CFTR: variants seen among roughly 807,000 people sequenced by gnomAD.
CFTR encodes the protein CF transmembrane conductance regulator.
CFTR carries 181 observed loss-of-function variants against 171.6 expected under a neutral mutation model. That is an observed-to-expected ratio of 1.05 (90% CI 0.93 to 1.19). The LOEUF is 1.19. CFTR is among the 50% of genes most tolerant of loss of function. The pLI is 0.00. For missense variants in CFTR, 1,968 were observed against 1,734.7 expected, an observed-to-expected ratio of 1.13 and a Z score of -2.39; for synonymous variants, 583 against 608.0, an observed-to-expected ratio of 0.96 and a Z score of 0.60.
chr7:117,571,314 C>T lies in CFTR; in HGVS notation c.1584+11659C>T, dbSNP rs183421277. ...GGAAATCCAGAGCAGGAACAGATTT[C>T]AAGATAGCACAATAATATAGCAGTG... is the stretch of plus-strand genomic sequence containing the variant. On this transcript the variant is annotated intron_variant, in intron 11 of 26. Coordinates refer to ENST00000003084, the MANE Select transcript of CFTR (RefSeq NM_000492.4). 5.1e-4 allele frequency among the ~76,000 whole-genome samples: 77 copies of T among 152,202 alleles called. No homozygotes were observed. The East Asian group carries it at 0.011, about 22-fold the overall frequency.
intron 1 of CFTR, among the ~76,000 whole-genome samples, chr7:117,503,123 T>C (rs1033993038): frequency 2.0e-5 from 3 of 152,248 alleles, no homozygotes; most frequent in Non-Finnish European, 2.9e-5. Context: ...TCTCTTTTTG[T>C]TCTGAATGGC....
At chr7:117,536,497 G>A (rs983455971) in intron 6 of CFTR, 51 bp from the exon 7 acceptor site, 10 of 1,525,472 alleles carry the variant, frequency 6.6e-6, no homozygotes, top group South Asian at 1.2e-5. Flanking sequence ...TAGATAATTT[G>A]ACTTGTTTTT....
chr7:117,500,825 A>G (rs371804867), intron 1 of CFTR, among the ~76,000 whole-genome samples: 2 of 152,304 alleles, frequency 1.3e-5, no homozygotes, highest in East Asian at 1.9e-4. Flanking sequence ...AAGTCTTTAT[A>G]TTACTGAATT....
intron 24 of CFTR, among the ~76,000 whole-genome samples, chr7:117,664,327 T>G (rs1410860960): frequency 6.6e-6 from 1 of 152,198 alleles, no homozygotes; most frequent in African/African-American, 2.4e-5. Flanking sequence ...TTTTCCAGCA[T>G]GCATTCAGTT....
intron 9 of CFTR, among the ~76,000 whole-genome samples, chr7:117,547,596 G>A (rs928548570): frequency 6.6e-6 from 1 of 152,072 alleles, no homozygotes; most frequent in Non-Finnish European, 1.5e-5. Flanking sequence ...TCTAAGAATA[G>A]ATAGGACATG....
chr7:117,545,171 CA>C (rs1320107117), intron 9 of CFTR, among the ~76,000 whole-genome samples: 1 of 152,216 alleles, frequency 6.6e-6, no homozygotes, highest in East Asian at 1.9e-4. Flanking sequence ...AGAACTTGTG[CA>C]GGGAAACTTC....
intron 7 of CFTR, among the ~76,000 whole-genome samples, chr7:117,539,022 T>C (rs955852516): frequency 4.6e-5 from 7 of 152,186 alleles, no homozygotes; most frequent in Non-Finnish European, 7.3e-5. Context: ...GAAGAAGAAC[T>C]AATGCCCAAA....
chr7:117,587,793 A>G lies in CFTR; in HGVS notation c.1639A>G (p.Thr547Ala), dbSNP rs750970412. Reference protein sequence around the residue: ...DNIVLGEGGITLSGGQRARIS... With the variant: ...DNIVLGEGGIALSGGQRARIS... ...TATAGTTCTTGGAGAAGGTGGAATCACACTGAGTGGAGGTCAACGAGCAAG... is the reference window on the plus strand; with the variant it reads ...TATAGTTCTTGGAGAAGGTGGAATCGCACTGAGTGGAGGTCAACGAGCAAG... The change falls in exon 12 of 27, where the codon ACA (threonine) becomes GCA (alanine). Residue 547 changes from threonine to alanine, a missense_variant. By Grantham distance (58) the Thr-to-Ala change is moderately conservative (BLOSUM62 0). Transcript: ENST00000003084. The G allele has an allele frequency of 6.2e-7, 1 of 1,611,950 alleles. No homozygotes were observed. The highest frequency in any genetic ancestry group is 1.7e-5 in the Admixed American group (1 of 59,910).
chr7:117,531,002 G>C lies in CFTR; in HGVS notation c.377G>C (p.Gly126Ala), dbSNP rs397508609. Reference protein sequence around the residue: ...ERSIAIYLGIGLCLLFIVRTL... With the variant: ...ERSIAIYLGIALCLLFIVRTL... ...TCTATCGCGATTTATCTAGGCATAGGCTTATGCCTTCTCTTTATTGTGAGG... is the reference window on the plus strand; with the variant it reads ...TCTATCGCGATTTATCTAGGCATAGCCTTATGCCTTCTCTTTATTGTGAGG... The change falls in exon 4 of 27, where the codon GGC (glycine) becomes GCC (alanine). Residue 126 changes from glycine (G) to alanine (A), a missense_variant. Gly to Ala is a moderately conservative substitution (Grantham distance 60, BLOSUM62 0). Coordinates refer to ENST00000003084, the MANE Select transcript of CFTR (RefSeq NM_000492.4). The C allele has an allele frequency of 1.2e-6, 2 of 1,613,626 alleles. No individual in the cohort carries two copies. Among genetic ancestry groups the C allele is most frequent in the African/African-American group, 2.7e-5 (2 of 74,922 alleles).
chr7:117,504,459 A>G (rs975594230), intron 2 of CFTR, 96 bp downstream of exon 2: 8 of 752,762 alleles, frequency 1.1e-5, no homozygotes, highest in African/African-American at 1.1e-4. Context: ...TAATTCTTAT[A>G]TTTAAAAATA....
intron 11 of CFTR, among the ~76,000 whole-genome samples, chr7:117,563,936 TA>T (rs1002075507): frequency 4.6e-5 from 7 of 152,144 alleles, no homozygotes; most frequent in African/African-American, 1.7e-4. Flanking sequence ...TCTTGTATTT[TA>T]AAAAAATGTA....
At chr7:117,620,363 C>A (rs188024578) in intron 21 of CFTR, among the ~76,000 whole-genome samples, 1 of 152,294 alleles carries the variant, frequency 6.6e-6, no homozygotes, top group Non-Finnish European at 1.5e-5. Context: ...TTCCTTCAAG[C>A]TTTGACAATC....
At chr7:117,499,140 T>C (rs1798281945) in intron 1 of CFTR, among the ~76,000 whole-genome samples, 2 of 152,168 alleles carry the variant, frequency 1.3e-5, no homozygotes, top group Non-Finnish European at 2.9e-5. Flanking sequence ...ATGATTGTTT[T>C]CTACACTAAA....
chr7:117,657,323 T>C (rs1254142911), intron 24 of CFTR, among the ~76,000 whole-genome samples: 1 of 152,196 alleles, frequency 6.6e-6, no homozygotes, highest in African/African-American at 2.4e-5. Flanking sequence ...CTGTTCTCCT[T>C]TTTTATAATT....
At chr7:117,549,800 G>A (rs566232566) in intron 10 of CFTR, among the ~76,000 whole-genome samples, 1 of 151,796 alleles carries the variant, frequency 6.6e-6, no homozygotes, top group Non-Finnish European at 1.5e-5. Flanking sequence ...AAGAAAGAGA[G>A]GAAGGAAGAA....
chr7:117,570,543 T>C (rs952836953), intron 11 of CFTR, among the ~76,000 whole-genome samples: 1 of 152,202 alleles, frequency 6.6e-6, no homozygotes, highest in African/African-American at 2.4e-5. Flanking sequence ...AATATTGTTA[T>C]TCACATTTTA....
At chr7:117,591,601 C>T (rs1792024216) in intron 13 of CFTR, among the ~76,000 whole-genome samples, 1 of 152,126 alleles carries the variant, frequency 6.6e-6, no homozygotes, top group South Asian at 2.1e-4. Flanking sequence ...TAAAGATCAT[C>T]TAATAATTTC....
chr7:117,581,714 C>T (rs1791852415), intron 11 of CFTR, among the ~76,000 whole-genome samples: 1 of 152,046 alleles, frequency 6.6e-6, no homozygotes, highest in Non-Finnish European at 1.5e-5. Flanking sequence ...AATGTTACTA[C>T]TCATGTTTTG....
intron 11 of CFTR, among the ~76,000 whole-genome samples, chr7:117,578,940 T>G (rs1364190925): frequency 6.6e-6 from 1 of 152,212 alleles, no homozygotes; most frequent in Non-Finnish European, 1.5e-5. Flanking sequence ...TTGCTTTGCT[T>G]CTTCTTTCAA....
Sources: allele counts gnomAD v4.1 joint callset (sites outside exome capture counted in the v4.1 genomes callset), GRCh38; gene constraint gnomAD v4.1.1; transcripts MANE v1.5; gene names NCBI Gene and HGNC (gene_info 2026-07-23, HGNC 2026-07-21).